Variants in HELZ observed in about 807,000 individuals in gnomAD.
The protein encoded by HELZ is helicase with zinc finger.
In HELZ, 23 loss-of-function variants were observed where a neutral mutation model predicts 218.2. The observed-to-expected ratio is 0.11, with a 90% CI of 0.08 to 0.15. HELZ has a LOEUF of 0.15. Among genes scored for constraint, HELZ ranks in the 10% least tolerant of loss-of-function variants. The pLI, the probability that HELZ is intolerant of heterozygous loss-of-function variation, is 1.00. For synonymous variants in HELZ, 814 were observed against 829.4 expected, an observed-to-expected ratio of 0.98 and a Z score of 0.32; for missense variants, 1,813 against 2,353.7, an observed-to-expected ratio of 0.77 and a Z score of 4.75.
intron 5 of HELZ, among the ~76,000 whole-genome samples, chr17:67,206,798 C>T (rs1446245945): frequency 6.6e-6 from 1 of 151,764 alleles, no homozygotes; most frequent in African/African-American, 2.4e-5. Flanking sequence ...GGGCTTTCTC[C>T]ATGTTGGTCA....
chr17:67,142,996 A>G (rs755109946), intron 21 of HELZ, among the ~76,000 whole-genome samples: 1 of 152,030 alleles, frequency 6.6e-6, no homozygotes, highest in Admixed American at 6.6e-5. Context: ...CCTGAGCTCA[A>G]GCAATATATC....
Position 67,215,952 on chromosome 17 carries a change from C to T in HELZ, c.211-17G>A. 5 of 1,453,420 alleles carry T rather than the reference C, an allele frequency of 3.4e-6. No individual in the cohort carries two copies. The highest frequency in any genetic ancestry group is 1.7e-5 in the Admixed American group (1 of 58,326). The allele number at this position is 1,453,420 out of a possible 1,614,324, so 90.0% of individuals were successfully genotyped here. ...ATAATTTTTCTGCAAAACAAAAATA[C>T]AAGATAAAATTAAGTATTTCAAGAG... On this transcript the variant is annotated splice_polypyrimidine_tract_variant and intron_variant, in intron 4 of 32. Transcript: ENST00000358691.
At position 67,078,335 on chromosome 17, in the gene HELZ, T is replaced by A. The variant is rs984308001; in HGVS notation, c.5746A>T (p.Ser1916Cys). Residue 1916 changes from serine (S) to cysteine (C), a missense_variant, in exon 33 of 33, where the codon AGT becomes TGT. Around this residue, in one of 4 missense-constraint regions of HELZ, gnomAD observed 938 missense variants for 1,027.5 expected, o/e 0.91. Coordinates refer to ENST00000358691, the MANE Select transcript of HELZ (RefSeq NM_014877.4). ...PRPPPEQAKK[S>C]SDPLSLFQEL... Reference sequence around the variant, plus strand: ...TGGAAGAGAGACAGAGGGTCGCTACTCTTCTTGGCCTGCTCAGGAGGGGGC... The same window carrying A: ...TGGAAGAGAGACAGAGGGTCGCTACACTTCTTGGCCTGCTCAGGAGGGGGC... 2 of 1,614,090 alleles carry A rather than the reference T, an allele frequency of 1.2e-6. No homozygotes were observed. The highest frequency in any genetic ancestry group is 2.7e-5 in the African/African-American group (2 of 75,048).
chr17:67,189,585 A>C lies in HELZ; in HGVS notation c.864+4T>G. 5 of 1,590,802 alleles carry C rather than the reference A, an allele frequency of 3.1e-6. No homozygotes were observed. The highest frequency in any genetic ancestry group is 4.3e-6 in the Non-Finnish European group (5 of 1,159,528). ...TTATGCTTTAACTAGCACAAAATTC[A>C]TACCTTACAAGTGAGAGCAAAGGTC... On this transcript the variant is annotated splice_donor_region_variant and intron_variant, in intron 11 of 32. Transcript: ENST00000358691.
At chr17:67,206,661 C>T (rs935100255) in intron 5 of HELZ, among the ~76,000 whole-genome samples, 8 of 143,318 alleles carry the variant, frequency 5.6e-5, no homozygotes, top group African/African-American at 1.3e-4. Flanking sequence ...TGGAATGGCG[C>T]GATCTTGGCT....
intron 27 of HELZ, among the ~76,000 whole-genome samples, chr17:67,115,962 A>G (rs934404299): frequency 6.6e-6 from 1 of 152,160 alleles, no homozygotes; most frequent in Non-Finnish European, 1.5e-5. Context: ...TTAAACAAAA[A>G]TAACAATTAT....
rs929111729 is a variant in HELZ, at chr17:67,120,417, G to C, written c.3826C>G (p.Gln1276Glu). ...AAGTACAACTTACCATTTCGATTTTGCTCATGTTGATCCTTCTCCTGATGC... is the reference window on the plus strand; with the variant it reads ...AAGTACAACTTACCATTTCGATTTTCCTCATGTTGATCCTTCTCCTGATGC... ...NQHQEKDQHE[Q>E]NRNGKSDTNN... is the part of the protein sequence containing the mutation. The change falls in exon 27 of 33, where the codon CAA (glutamine) becomes GAA (glutamate). Residue 1276 changes from glutamine (Q) to glutamate (E), a missense_variant. Around this residue, in one of 4 missense-constraint regions of HELZ, gnomAD observed 938 missense variants for 1,027.5 expected, o/e 0.91. Transcript: ENST00000358691. 6 of 1,613,630 alleles carry C rather than the reference G, an allele frequency of 3.7e-6. No homozygotes were observed. The highest frequency in any genetic ancestry group is 4.2e-6 in the Non-Finnish European group (5 of 1,179,748).
intron 31 of HELZ, among the ~76,000 whole-genome samples, chr17:67,106,401 G>A (rs897561170): frequency 4.0e-5 from 6 of 151,178 alleles, no homozygotes; most frequent in East Asian, 1.9e-4. Flanking sequence ...TCAGCCTCCC[G>A]GGTTCACGCC....
At position 67,161,096 on chromosome 17, in the gene HELZ, A is replaced by G; in HGVS notation, c.1896-20T>C. ...CATTGTCTATGGAAAATAAAAATTT[A>G]TGTTAAACACATGCATCTCGTTAAT... is the stretch of plus-strand genomic sequence containing the variant. On this transcript the variant is annotated intron_variant, in intron 15 of 32. Transcript: ENST00000358691. The G allele has an allele frequency of 1.3e-6, 2 of 1,563,174 alleles. No homozygotes were observed. Among genetic ancestry groups the G allele is most frequent in the East Asian group, 2.3e-5 (1 of 43,832 alleles).
chr17:67,157,566 G>A (rs1016494459), intron 17 of HELZ, among the ~76,000 whole-genome samples: 2 of 152,006 alleles, frequency 1.3e-5, no homozygotes, highest in South Asian at 2.1e-4. Flanking sequence ...GAGAATTGAC[G>A]GTAACAAGAC....
intron 3 of HELZ, among the ~76,000 whole-genome samples, chr17:67,231,142 A>C (rs1332521341): frequency 6.6e-6 from 1 of 152,184 alleles, no homozygotes; most frequent in African/African-American, 2.4e-5. Flanking sequence ...ACTGTCATGA[A>C]AAACAAAGTC....
In HELZ at chr17:67,070,638, T is replaced by C. The variant is rs1427554870; in HGVS notation, c.*7614A>G. The C allele has an allele frequency of 6.6e-6, 1 of 152,056 alleles. No individual in the cohort carries two copies. The highest frequency in any genetic ancestry group is 1.5e-5 in the Non-Finnish European group (1 of 68,000). 9.4% of individuals were successfully genotyped at this position (152,056 alleles called of 1,614,324 possible). A position where few individuals can be genotyped will look rare whatever the true frequency, so the allele number is the denominator to read the frequency against. On this transcript the variant is annotated 3_prime_UTR_variant, in exon 33 of 33. Coordinates refer to ENST00000358691, the MANE Select transcript of HELZ (RefSeq NM_014877.4). ...AATTCCAAAACTAAGTTAGAAAAGA[T>C]AAAGACAAAGAAAGAAGAAAATAAA... is the stretch of plus-strand genomic sequence containing the variant.
At chr17:67,176,901 T>C (rs2039474204) in intron 13 of HELZ, among the ~76,000 whole-genome samples, 1 of 152,060 alleles carries the variant, frequency 6.6e-6, no homozygotes, top group South Asian at 2.1e-4. Context: ...TCAGTGCTAA[T>C]ATTTTTAAGG....
chr17:67,226,423 A>C (rs1341309526), intron 3 of HELZ, among the ~76,000 whole-genome samples: 3 of 152,202 alleles, frequency 2.0e-5, no homozygotes, highest in African/African-American at 7.2e-5. Flanking sequence ...ATTAGCCATT[A>C]GGGAAATGCA....
chr17:67,217,750 C>T (rs9907211), intron 4 of HELZ, among the ~76,000 whole-genome samples: 2,380 of 152,208 alleles, frequency 0.016, 69 homozygotes, highest in African/African-American at 0.052. Context: ...ATGGCTCACC[C>T]CCTTGCCTCT....
At chr17:67,137,316 C>T (rs905881253) in intron 22 of HELZ, among the ~76,000 whole-genome samples, 1 of 152,128 alleles carries the variant, frequency 6.6e-6, no homozygotes, top group African/African-American at 2.4e-5. Context: ...TTCTAATTTA[C>T]TCCTAATGTT....
At position 67,073,219 on chromosome 17, in the gene HELZ, A is replaced by G. The variant is rs1454747152; in HGVS notation, c.*5033T>C. On this transcript the variant is annotated 3_prime_UTR_variant, in exon 33 of 33. Coordinates refer to ENST00000358691, the MANE Select transcript of HELZ (RefSeq NM_014877.4). Reference sequence around the variant, plus strand: ...AAAATCAAAAATTTCTTAAAAGGTAATATCGATTTCCCCTCCTCTACATAG... The same window carrying G: ...AAAATCAAAAATTTCTTAAAAGGTAGTATCGATTTCCCCTCCTCTACATAG... 6.6e-6 allele frequency: 1 copy of G among 152,662 alleles called. No individual in the cohort carries two copies. The highest frequency in any genetic ancestry group is 2.1e-4 in the South Asian group (1 of 4,828). 9.5% of individuals were successfully genotyped at this position (152,662 alleles called of 1,614,324 possible).
chr17:67,129,371 C>T (rs2037905949), intron 23 of HELZ, among the ~76,000 whole-genome samples: 1 of 151,486 alleles, frequency 6.6e-6, no homozygotes, highest in Non-Finnish European at 1.5e-5. Context: ...CACATATATA[C>T]ACATACACAT....
Position 67,108,345 on chromosome 17 carries a change from C to G in HELZ, c.4724+147G>C. ...TGAGTTTTCTGTATTTTAGAGTCAA[C>G]AAGAGAACTGTGTAGCGTGTGCTTG... On this transcript the variant is annotated intron_variant, in intron 30 of 32. Transcript: ENST00000358691. This position sits in a 1 kb window ranked among gnomAD's most constrained non-coding sequence, Gnocchi z 4.1. The G allele has an allele frequency of 1.6e-6, 1 of 625,758 alleles. No individual in the cohort carries two copies. Among genetic ancestry groups the G allele is most frequent in the African/African-American group, 1.8e-5 (1 of 54,648 alleles). The allele number at this position is 625,758 out of a possible 1,614,324, so 38.8% of individuals were successfully genotyped here.
Sources: gnomAD v4.1 joint callset for allele counts (sites outside exome capture counted in the v4.1 genomes callset) on GRCh38, gnomAD v4.1.1 for gene constraint, gnomAD v4.1.1 regional missense constraint, Gnocchi (gnomAD v3.1) non-coding constraint, MANE v1.5 for transcripts, NCBI Gene and HGNC (gene_info 2026-07-23, HGNC 2026-07-21) for gene names.